RETREG1: variants seen among roughly 807,000 people sequenced by gnomAD.
RETREG1 encodes family with sequence similarity 134 member B.
In RETREG1, 44 loss-of-function variants were observed where a neutral mutation model predicts 54.8. The observed-to-expected ratio is 0.80, with a 90% CI of 0.63 to 1.03. The LOEUF is 1.03. RETREG1 is among the 50% of genes least tolerant of loss of function. RETREG1 has a pLI of 0.00. For missense variants in RETREG1, 554 were observed against 605.1 expected (o/e 0.92, Z 0.89); for synonymous variants, 217 against 238.5 (o/e 0.91, Z 0.83).
intron 4 of RETREG1, among the ~76,000 whole-genome samples, chr5:16,481,440 G>A (rs891429213): frequency 4.6e-5 from 7 of 151,962 alleles, no homozygotes; most frequent in Non-Finnish European, 7.4e-5. Context: ...CTTTTACTTC[G>A]CTCATTTAAG....
chr5:16,537,685 A>T (rs893078902), intron 3 of RETREG1, among the ~76,000 whole-genome samples: 4 of 152,120 alleles, frequency 2.6e-5, no homozygotes, highest in African/African-American at 7.2e-5. Context: ...GGACAGAGCA[A>T]GACTCTGTCC....
At chr5:16,603,301 T>G (rs1743095703) in intron 1 of RETREG1, among the ~76,000 whole-genome samples, 1 of 152,196 alleles carries the variant, frequency 6.6e-6, no homozygotes, top group African/African-American at 2.4e-5. Flanking sequence ...ATATAAGTAT[T>G]ATATACCCAG....
chr5:16,607,128 C>A (rs1176498504), intron 1 of RETREG1, among the ~76,000 whole-genome samples: 1 of 152,216 alleles, frequency 6.6e-6, no homozygotes, highest in Non-Finnish European at 1.5e-5. Context: ...AAAGTAGTAA[C>A]TTCTGTCACT....
chr5:16,530,092 G>A (rs907241303), intron 3 of RETREG1, among the ~76,000 whole-genome samples: 1 of 152,098 alleles, frequency 6.6e-6, no homozygotes, highest in African/African-American at 2.4e-5. Flanking sequence ...CCCAATAAAC[G>A]CCTTGCATGC....
At chr5:16,515,658 C>T (rs377503987) in intron 3 of RETREG1, among the ~76,000 whole-genome samples, 2 of 152,062 alleles carry the variant, frequency 1.3e-5, no homozygotes, top group South Asian at 4.1e-4. Flanking sequence ...ATAATGTCAC[C>T]AAGTCAACGC....
chr5:16,518,463 G>A (rs918857975), intron 3 of RETREG1, among the ~76,000 whole-genome samples: 3 of 151,488 alleles, frequency 2.0e-5, no homozygotes, highest in African/African-American at 7.3e-5. Context: ...TGTGGCTTAG[G>A]GAAATAATGA....
intron 3 of RETREG1, among the ~76,000 whole-genome samples, chr5:16,526,788 G>A (rs568424630): frequency 8.5e-5 from 13 of 152,128 alleles, no homozygotes; most frequent in South Asian, 2.1e-4. Context: ...TATCACCCCC[G>A]TGGTGGTTCT....
At position 16,544,120 on chromosome 5, in the gene RETREG1, C is replaced by T. The variant is rs192566082; in HGVS notation, c.458+21643G>A. On this transcript the variant is annotated intron_variant, in intron 3 of 8. Transcript: ENST00000306320. ...CCTCCTAAGTAGCTGGGATTACAGG[C>T]GCCCACCACCACACCAAGCTAATTT... Among the ~76,000 whole-genome samples, 894 of 151,820 alleles carry T rather than the reference C, an allele frequency of 5.9e-3. 6 individuals are homozygous for T. The highest frequency in any genetic ancestry group is 0.021 in the African/African-American group (849 of 41,392).
At chr5:16,538,032 A>C (rs1741127843) in intron 3 of RETREG1, among the ~76,000 whole-genome samples, 1 of 152,200 alleles carries the variant, frequency 6.6e-6, no homozygotes, top group African/African-American at 2.4e-5. Flanking sequence ...TGTGGCCTGC[A>C]GAAGAGAAAT....
At chr5:16,606,245 C>T (rs1319830253) in intron 1 of RETREG1, among the ~76,000 whole-genome samples, 6 of 152,136 alleles carry the variant, frequency 3.9e-5, no homozygotes, top group Non-Finnish European at 4.4e-5. Context: ...CATTCGTGAT[C>T]GCCACATTGG....
rs79827316 is a variant in RETREG1 at position 16,477,414 on chromosome 5, C to T, written c.1000+248G>A. ...TAACTTAATTTCCCTTTATATGGACCTGCTTATTCTAGGCATTTCATATAA... is the reference window on the plus strand; with the variant it reads ...TAACTTAATTTCCCTTTATATGGACTTGCTTATTCTAGGCATTTCATATAA... On this transcript the variant is annotated intron_variant, in intron 8 of 8. Transcript: ENST00000306320. Among the ~76,000 whole-genome samples, 4,702 of 152,166 alleles carry T rather than the reference C, an allele frequency of 0.031. 247 individuals carry two copies. The highest frequency in any genetic ancestry group is 0.11 in the African/African-American group (4,412 of 41,472).
At chr5:16,493,359 C>T (rs1739329180) in intron 3 of RETREG1, among the ~76,000 whole-genome samples, 1 of 152,134 alleles carries the variant, frequency 6.6e-6, no homozygotes, top group East Asian at 1.9e-4. Flanking sequence ...TTCATAAGCC[C>T]AGGGCATGAG....
chr5:16,527,334 C>A (rs1397584417), intron 3 of RETREG1, among the ~76,000 whole-genome samples: 5 of 152,186 alleles, frequency 3.3e-5, no homozygotes, highest in Non-Finnish European at 5.9e-5. Flanking sequence ...GTGCTGTGTG[C>A]AATTGAAATT....
chr5:16,563,584 A>C (rs1741930984), intron 3 of RETREG1, among the ~76,000 whole-genome samples: 1 of 152,144 alleles, frequency 6.6e-6, no homozygotes, highest in African/African-American at 2.4e-5. Context: ...ACAAACATGG[A>C]GCTGGCAAAC....
chr5:16,610,589 T>C (rs1362120753), intron 1 of RETREG1, among the ~76,000 whole-genome samples: 3 of 152,160 alleles, frequency 2.0e-5, no homozygotes, highest in Non-Finnish European at 4.4e-5. Flanking sequence ...CATCAAAAAG[T>C]GGGCGAAGGA....
chr5:16,574,039 G>A (rs1362356402), intron 1 of RETREG1, among the ~76,000 whole-genome samples: 6 of 152,176 alleles, frequency 3.9e-5, no homozygotes, highest in South Asian at 2.1e-4. Context: ...AAGCCACAAC[G>A]CCCGGCTGGG....
intron 3 of RETREG1, among the ~76,000 whole-genome samples, chr5:16,515,720 A>C (rs1740330214): frequency 6.6e-6 from 1 of 152,208 alleles, no homozygotes; most frequent in Admixed American, 6.5e-5. Context: ...AACTCATTCA[A>C]ATCCTCTTCA....
At chr5:16,587,431 C>A (rs1323090487) in intron 1 of RETREG1, among the ~76,000 whole-genome samples, 1 of 152,194 alleles carries the variant, frequency 6.6e-6, no homozygotes, top group Non-Finnish European at 1.5e-5. Flanking sequence ...TCAGAGTCCA[C>A]CGCTCCATTT....
chr5:16,591,087 G>A (rs1389821983), intron 1 of RETREG1, among the ~76,000 whole-genome samples: 2 of 152,210 alleles, frequency 1.3e-5, no homozygotes, highest in Non-Finnish European at 2.9e-5. Context: ...AAGGAATTGG[G>A]GCAAAGGGAA....
Sources: allele counts gnomAD v4.1 joint callset (sites outside exome capture counted in the v4.1 genomes callset), GRCh38; gene constraint gnomAD v4.1.1; transcripts MANE v1.5; gene names NCBI Gene and HGNC (gene_info 2026-07-23, HGNC 2026-07-21).